CDS2: variants seen among roughly 807,000 people sequenced by gnomAD.
CDS2 encodes phosphatidate cytidylyltransferase 2.
In CDS2, 47 loss-of-function variants were observed where a neutral mutation model predicts 59.0. The observed-to-expected ratio is 0.80, with a 90% CI of 0.63 to 1.02. The LOEUF (loss-of-function observed/expected upper bound fraction) is 1.02. Among genes scored for constraint, CDS2 ranks in the 50% least tolerant of loss-of-function variants. CDS2 has a pLI of 0.00. For synonymous variants in CDS2, 207 were observed against 206.4 expected, an observed-to-expected ratio of 1.00 and a Z score of -0.02; for missense variants, 356 against 558.9, an observed-to-expected ratio of 0.64 and a Z score of 3.66.
At chr20:5,153,842 T>C (rs921959811) in intron 1 of CDS2, among the ~76,000 whole-genome samples, 3 of 152,136 alleles carry the variant, frequency 2.0e-5, no homozygotes, top group Non-Finnish European at 2.9e-5. Context: ...ATGTTTTTGG[T>C]TTGTGTTTTT....
intron 1 of CDS2, among the ~76,000 whole-genome samples, chr20:5,170,399 G>A (rs1023285875): frequency 5.3e-5 from 8 of 152,186 alleles, no homozygotes; most frequent in Non-Finnish European, 4.4e-5. Context: ...GAGCAACTGT[G>A]TCTCCAAGCA....
intron 1 of CDS2, among the ~76,000 whole-genome samples, chr20:5,141,004 A>G (rs760815996): frequency 6.6e-6 from 1 of 152,188 alleles, no homozygotes; most frequent in Non-Finnish European, 1.5e-5. Flanking sequence ...TCTTGTTATA[A>G]CTTTGGGGCA....
At chr20:5,186,320 T>C (rs1365292802) in intron 9 of CDS2, among the ~76,000 whole-genome samples, 2 of 152,202 alleles carry the variant, frequency 1.3e-5, no homozygotes. Flanking sequence ...TGCCTCTCAC[T>C]GTGCCCCTTC....
rs2091049955 is a variant in CDS2 at position 5,184,024 on chromosome 20, G to A, written c.672-834G>A. Among the ~76,000 whole-genome samples the A allele has an allele frequency of 6.6e-6, 1 of 152,120 alleles. No homozygotes were observed. Among genetic ancestry groups the A allele is most frequent in the African/African-American group, 2.4e-5 (1 of 41,434 alleles). On this transcript the variant is annotated intron_variant, in intron 7 of 12. Transcript: ENST00000460006. The surrounding 1 kb of genome is among the most constrained non-coding windows in gnomAD (Gnocchi z 4.3). ...ATACAAAAAAATAGCTGGTGTGGTGGCGTGGCAGGTGCCTGTAATCCTAGC... is the reference window on the plus strand; with the variant it reads ...ATACAAAAAAATAGCTGGTGTGGTGACGTGGCAGGTGCCTGTAATCCTAGC...
At chr20:5,189,634 A>G (rs946077578) in intron 11 of CDS2, 101 bp from the exon 12 acceptor site, 22 of 782,940 alleles carry the variant, frequency 2.8e-5, no homozygotes, top group African/African-American at 5.2e-5. Flanking sequence ...TATTGCCCTC[A>G]GCTACTCAGC....
chr20:5,149,350 C>T (rs750708234), intron 1 of CDS2, among the ~76,000 whole-genome samples: 3 of 151,990 alleles, frequency 2.0e-5, no homozygotes, highest in Non-Finnish European at 4.4e-5. Flanking sequence ...TCACATTTTT[C>T]TTATTGACTT....
chr20:5,162,099 C>T (rs1428397493), intron 1 of CDS2, among the ~76,000 whole-genome samples: 1 of 152,104 alleles, frequency 6.6e-6, no homozygotes, highest in African/African-American at 2.4e-5. Context: ...CTGCTGTATA[C>T]CATGAAATAG....
At chr20:5,180,271 C>T (rs1202907927) in intron 5 of CDS2, among the ~76,000 whole-genome samples, 2 of 151,800 alleles carry the variant, frequency 1.3e-5, no homozygotes, top group African/African-American at 4.8e-5. Flanking sequence ...TTCTCCCAGC[C>T]CTATGAATAC....
At chr20:5,155,668 A>T (rs535483227) in intron 1 of CDS2, among the ~76,000 whole-genome samples, 1 of 152,352 alleles carries the variant, frequency 6.6e-6, no homozygotes, top group African/African-American at 2.4e-5. Context: ...ATACTCCAGG[A>T]TAAATCCCTT....
At chr20:5,162,373 C>T (rs1454010801) in intron 1 of CDS2, among the ~76,000 whole-genome samples, 1 of 152,106 alleles carries the variant, frequency 6.6e-6, no homozygotes, top group Admixed American at 6.5e-5. Flanking sequence ...AAAACACTTC[C>T]GGTCTCAAGC....
rs2091116691 is a variant in CDS2 at position 5,191,762 on chromosome 20, A to T, written c.*1528A>T. On this transcript the variant is annotated 3_prime_UTR_variant, in exon 13 of 13. Coordinates refer to ENST00000460006, the MANE Select transcript of CDS2 (RefSeq NM_003818.4). The stretch of plus-strand genomic sequence containing the variant: ...ACTTCCCATATGTGTGTGGGGCTGA[A>T]GCGGCTTCTTTCCGCTGAACTTTTA... The T allele has an allele frequency of 2.0e-5, 3 of 152,326 alleles. No homozygotes were observed. Among genetic ancestry groups the T allele is most frequent in the African/African-American group, 7.2e-5 (3 of 41,564 alleles). The allele number at this position is 152,326 out of a possible 1,614,324, so 9.4% of individuals were successfully genotyped here.
intron 1 of CDS2, among the ~76,000 whole-genome samples, chr20:5,153,128 T>G (rs1184541685): frequency 1.3e-5 from 2 of 152,176 alleles, no homozygotes; most frequent in Non-Finnish European, 2.9e-5. Flanking sequence ...AAATACAACT[T>G]ACAGTGTGTC....
At chr20:5,180,826 C>T (rs764101043) in intron 5 of CDS2, among the ~76,000 whole-genome samples, 15 of 152,000 alleles carry the variant, frequency 9.9e-5, no homozygotes, top group South Asian at 2.1e-4. Flanking sequence ...TGCAGAGGGA[C>T]GAAGATCCAT....
intron 1 of CDS2, among the ~76,000 whole-genome samples, chr20:5,146,124 A>G (rs924633139): frequency 7.2e-5 from 11 of 152,076 alleles, no homozygotes; most frequent in African/African-American, 2.4e-4. Context: ...CGCCCATCCA[A>G]TTTTGAGAAA....
At chr20:5,151,965 T>C (rs1187536490) in intron 1 of CDS2, among the ~76,000 whole-genome samples, 1 of 150,336 alleles carries the variant, frequency 6.7e-6, no homozygotes, top group Non-Finnish European at 1.5e-5. Context: ...GGTTTCTCCA[T>C]GTTGGTCAGG....
intron 1 of CDS2, among the ~76,000 whole-genome samples, chr20:5,162,438 G>A (rs528872220): frequency 5.3e-5 from 8 of 152,236 alleles, no homozygotes; most frequent in Non-Finnish European, 1.2e-4. Flanking sequence ...CTTATGCAGG[G>A]TATATAGACT....
chr20:5,160,888 T>G (rs1199489718), intron 1 of CDS2, among the ~76,000 whole-genome samples: 1 of 152,272 alleles, frequency 6.6e-6, no homozygotes, highest in Non-Finnish European at 1.5e-5. Context: ...GAGAATTTCC[T>G]TCCTTTTTAA....
chr20:5,179,473 G>C (rs1165014278), intron 5 of CDS2, among the ~76,000 whole-genome samples: 3 of 152,166 alleles, frequency 2.0e-5, no homozygotes, highest in Admixed American at 2.0e-4. Context: ...ACTGTGGCCT[G>C]TGCCACCTGC....
At chr20:5,173,748 T>G (rs1169482690) in intron 2 of CDS2, 89 bp downstream of exon 2, 6 of 1,502,700 alleles carry the variant, frequency 4.0e-6, no homozygotes, top group Non-Finnish European at 5.5e-6. Flanking sequence ...CCCGTGGTCT[T>G]GCAGAGCAGG....
Sources: gnomAD v4.1 joint callset for allele counts (sites outside exome capture counted in the v4.1 genomes callset) on GRCh38, gnomAD v4.1.1 for gene constraint, Gnocchi (gnomAD v3.1) non-coding constraint, MANE v1.5 for transcripts, NCBI Gene and HGNC (gene_info 2026-07-23, HGNC 2026-07-21) for gene names.